AGT: variants seen among roughly 807,000 people sequenced by gnomAD.
The protein encoded by AGT is alpha-1 antiproteinase, antitrypsin.
In AGT, 26 loss-of-function variants were observed where a neutral mutation model predicts 28.1. That is an observed-to-expected ratio of 0.92 (90% confidence interval 0.68 to 1.28). The LOEUF is 1.28. Among genes scored for constraint, AGT ranks in the 50% most tolerant of loss-of-function variants. AGT has a pLI of 0.00. For missense variants in AGT, 596 were observed against 592.3 expected (o/e 1.01, Z -0.06); for synonymous variants, 259 against 259.6 (o/e 1.00, Z 0.02).
chr1:230,744,461 T>C (rs374868861), intron 1 of AGT, among the ~76,000 whole-genome samples: 1 of 152,098 alleles, frequency 6.6e-6, no homozygotes, highest in Non-Finnish European at 1.5e-5. Context: ...GGGCAGACAT[T>C]GGGCAGGAAG....
At position 230,741,344 on chromosome 1, in the gene AGT, T is replaced by A. The variant is rs1003302405; in HGVS notation, c.-31+4171A>T. Among the ~76,000 whole-genome samples, 5 of 152,322 alleles carry A rather than the reference T, an allele frequency of 3.3e-5. No homozygotes were observed. The South Asian group carries it at 1.0e-3, about 32-fold the overall frequency. ...GCTGAGAGAAGCTATAGGCAGCTTG[T>A]GCAGCCCTGGGAAACCAGGGGAACC... On this transcript the variant is annotated intron_variant, in intron 1 of 4. Transcript: ENST00000681269.
At chr1:230,730,826 G>A (rs1426855145) in intron 1 of AGT, among the ~76,000 whole-genome samples, 1 of 152,122 alleles carries the variant, frequency 6.6e-6, no homozygotes, top group Non-Finnish European at 1.5e-5. Context: ...TTTTATCTGA[G>A]GGATGTGAGC....
intron 1 of AGT, among the ~76,000 whole-genome samples, chr1:230,743,628 T>G (rs1664289690): frequency 2.0e-5 from 3 of 152,184 alleles, no homozygotes; most frequent in Admixed American, 6.5e-5. Flanking sequence ...GTGGGCTCAC[T>G]CTCAGCCCAT....
intron 1 of AGT, among the ~76,000 whole-genome samples, chr1:230,733,169 G>A (rs1469625233): frequency 1.3e-5 from 2 of 152,052 alleles, no homozygotes; most frequent in Non-Finnish European, 1.5e-5. Flanking sequence ...TGTAATCCCA[G>A]CTACTCAGGA....
At chr1:230,726,685 A>G (rs1571984574) in intron 1 of AGT, among the ~76,000 whole-genome samples, 1 of 152,288 alleles carries the variant, frequency 6.6e-6, no homozygotes, top group Non-Finnish European at 1.5e-5. Flanking sequence ...AATCTCTTCA[A>G]TCATCCTTTC....
chr1:230,719,404 ATG>A (rs1663800489), upstream of AGT, among the ~76,000 whole-genome samples: 2 of 99,576 alleles, frequency 2.0e-5, no homozygotes, highest in Admixed American at 1.1e-4. Flanking sequence ...TATTATCATT[ATG>A]TTTTTTTTTT....
chr1:230,705,518 C>T (rs571109682), intron 3 of AGT, among the ~76,000 whole-genome samples: 13 of 152,302 alleles, frequency 8.5e-5, no homozygotes, highest in African/African-American at 2.4e-4. Context: ...GCCCCACCCC[C>T]GCTCACGCGA....
intron 1 of AGT, 92 bp from the exon 2 acceptor site, chr1:230,710,945 G>A: frequency 6.8e-7 from 1 of 1,471,986 alleles, no homozygotes; most frequent in South Asian, 1.2e-5. Context: ...AATATTCCCT[G>A]TCACCATTTA....
chr1:230,704,869 A>G (rs1042640579), intron 3 of AGT, among the ~76,000 whole-genome samples: 2 of 152,226 alleles, frequency 1.3e-5, no homozygotes, highest in Non-Finnish European at 2.9e-5. Flanking sequence ...TCAAGCACTT[A>G]TAAGAGCTGA....
rs41271499 is a variant in AGT, at chr1:230,710,724, G to A, written c.100C>T (p.Leu34Phe). 1,044 of 1,614,118 alleles carry A rather than the reference G, an allele frequency of 6.5e-4. 1 individual carries two copies. The highest frequency in any genetic ancestry group is 8.5e-4 in the Non-Finnish European group (1,007 of 1,179,938). ...CAGGTACTCTCATTGTGGATGACGA[G>A]GTGGAAGGGGTGTATGTACACCCGG... ...GDRVYIHPFH[L>F]VIHNESTCEQ... The change falls in exon 2 of 5, where the codon CTC (leucine) becomes TTC (phenylalanine). Residue 34 changes from leucine (L) to phenylalanine (F), a missense_variant. By Grantham distance (22) the Leu-to-Phe change is conservative. Transcript: ENST00000366667.
rs751222492 is a variant in AGT, at chr1:230,710,533, G to C, written c.291C>G (p.Val97=). The part of the protein sequence containing the change: ...DTEDKLRAAM[V]GMLANFLGFR... ...AGCCCAAGAAGTTGGCCAGCATCCC[G>C]ACCATTGCGGCCCTCAACTTGTCTT... Residue 97 remains valine (V), a synonymous_variant, in exon 2 of 5, where the codon GTC becomes GTG. Transcript: ENST00000366667. 1 of 1,614,240 alleles carries C rather than the reference G, an allele frequency of 6.2e-7. No individual in the cohort carries two copies. Among genetic ancestry groups the C allele is most frequent in the Non-Finnish European group, 8.5e-7 (1 of 1,180,050 alleles).
chr1:230,731,918 C>A (rs566808495), intron 1 of AGT, among the ~76,000 whole-genome samples: 1 of 152,126 alleles, frequency 6.6e-6, no homozygotes, highest in Non-Finnish European at 1.5e-5. Context: ...AAACTCAAAG[C>A]TTCCTAAGGC....
intron 1 of AGT, among the ~76,000 whole-genome samples, chr1:230,726,746 G>T (rs1437956361): frequency 6.6e-6 from 1 of 152,154 alleles, no homozygotes; most frequent in Admixed American, 6.5e-5. Flanking sequence ...CAAACTGGGA[G>T]AATCATGATC....
chr1:230,711,275 G>C (rs192412189), intron 1 of AGT, among the ~76,000 whole-genome samples: 44 of 152,088 alleles, frequency 2.9e-4, no homozygotes, highest in African/African-American at 9.2e-4. Flanking sequence ...AGACCATGTG[G>C]GGACACAGAG....
At chr1:230,735,028 TTATCCCTGGAGGAGAGGGTCTGTGTC>T (rs368775339) in intron 1 of AGT, among the ~76,000 whole-genome samples, 3 of 152,108 alleles carry the variant, frequency 2.0e-5, no homozygotes, top group African/African-American at 4.8e-5. Context: ...CTGGCTGTGT[TTATCCCTGGAGGAGAGGGTCTGTGTC>T]TATCCCTGGA....
At chr1:230,714,585 T>C (rs1663688496), upstream of AGT, among the ~76,000 whole-genome samples, 1 of 152,114 alleles carries the variant, frequency 6.6e-6, no homozygotes, top group Admixed American at 6.5e-5. Context: ...TGCCCGCTCA[T>C]GGGATGTGTG....
At chr1:230,739,186 C>T (rs1157231510) in intron 1 of AGT, among the ~76,000 whole-genome samples, 1 of 148,610 alleles carries the variant, frequency 6.7e-6, no homozygotes, top group Non-Finnish European at 1.5e-5. Flanking sequence ...ACTGAGACTC[C>T]CTCCTCTACA....
At chr1:230,730,678 C>G (rs972676101) in intron 1 of AGT, among the ~76,000 whole-genome samples, 2 of 152,134 alleles carry the variant, frequency 1.3e-5, no homozygotes, top group Admixed American at 6.6e-5. Flanking sequence ...GTAACACTTT[C>G]TGGTTTAATG....
At chr1:230,734,266 T>C (rs1664115970) in intron 1 of AGT, among the ~76,000 whole-genome samples, 1 of 152,140 alleles carries the variant, frequency 6.6e-6, no homozygotes, top group Admixed American at 6.6e-5. Context: ...GAAGACATTA[T>C]GCTAAGTAAC....
Sources: gnomAD v4.1 joint callset for allele counts (sites outside exome capture counted in the v4.1 genomes callset) on GRCh38, gnomAD v4.1.1 for gene constraint, MANE v1.5 for transcripts, NCBI Gene and HGNC (gene_info 2026-07-23, HGNC 2026-07-21) for gene names.